The following KIAA1958 variants were observed in gnomAD, a reference collection of about 807,000 sequenced individuals.
KIAA1958 encodes the protein uncharacterized protein KIAA1958.
A neutral mutation model predicts 47.2 loss-of-function variants in KIAA1958; 14 were observed. The ratio of observed to expected loss-of-function variants is 0.30; its 90% CI spans 0.20 to 0.46. The LOEUF (loss-of-function observed/expected upper bound fraction) is 0.46, where lower values mean the gene tolerates loss of function less well. KIAA1958 is among the 20% of genes least tolerant of loss of function. The pLI is 1.00. For missense variants in KIAA1958, 803 were observed against 909.2 expected (o/e 0.88, Z 1.50); for synonymous variants, 354 against 353.3 (o/e 1.00, Z -0.02).
chr9:112,645,927 C>G, intron 3 of KIAA1958, 105 bp downstream of exon 3: 1 of 862,022 alleles, frequency 1.2e-6, no homozygotes, highest in Non-Finnish European at 1.7e-6. Context: ...GGCTTTCTGC[C>G]TGGGGAAACT....
Position 112,574,532 on chromosome 9 carries a change from C to T in KIAA1958, c.452C>T (p.Ser151Phe). ...ACCCTGTTTGACATGGTTTGTGAGTCTTCTGTTACAGATGAGGATAGTGAC... is the reference window on the plus strand; with the variant it reads ...ACCCTGTTTGACATGGTTTGTGAGTTTTCTGTTACAGATGAGGATAGTGAC... ...ENTLFDMVCE[S>F]SVTDEDSDFE... The change falls in exon 2 of 4, where the codon TCT becomes TTT. Residue 151 changes from serine (S) to phenylalanine (F), a missense_variant. By Grantham distance (155) the Ser-to-Phe change is radical. Around this residue, in one of 2 missense-constraint regions of KIAA1958, gnomAD observed 761 missense variants for 829.3 expected, o/e 0.92. Transcript: ENST00000337530. 4 of 1,614,132 alleles carry T rather than the reference C, an allele frequency of 2.5e-6. No individual in the cohort carries two copies. The highest frequency in any genetic ancestry group is 3.4e-6 in the Non-Finnish European group (4 of 1,180,016).
chr9:112,666,854 A>G lies in KIAA1958; in HGVS notation c.*6785A>G, dbSNP rs922550965. 1 of 152,220 alleles carries G rather than the reference A, an allele frequency of 6.6e-6. No homozygotes were observed. The highest frequency in any genetic ancestry group is 2.4e-5 in the African/African-American group (1 of 41,462). The allele number at this position is 152,220 out of a possible 1,614,324, so 9.4% of individuals were successfully genotyped here. ...ATTACACCGGGAAGAGAAAAAGTTC[A>G]TATCCACCCTCTCTTCTTTCTCCCC... On this transcript the variant is annotated 3_prime_UTR_variant, in exon 4 of 4. Transcript: ENST00000337530.
At chr9:112,512,173 T>C (rs1834335109) in intron 1 of KIAA1958, among the ~76,000 whole-genome samples, 1 of 152,186 alleles carries the variant, frequency 6.6e-6, no homozygotes, top group Non-Finnish European at 1.5e-5. Context: ...TCTGATTCTA[T>C]AGTATAGGCA....
chr9:112,551,186 T>C (rs1331707036), intron 1 of KIAA1958, among the ~76,000 whole-genome samples: 3 of 152,186 alleles, frequency 2.0e-5, no homozygotes, highest in African/African-American at 7.2e-5. Flanking sequence ...TCACATGTTA[T>C]ATAACTATCA....
At chr9:112,641,157 G>T (rs557428835) in intron 2 of KIAA1958, among the ~76,000 whole-genome samples, 1 of 151,666 alleles carries the variant, frequency 6.6e-6, no homozygotes, top group African/African-American at 2.4e-5. Flanking sequence ...TCATTTTGCC[G>T]GCAAATATCT....
rs183887355 is a variant in KIAA1958 at position 112,648,467 on chromosome 9, G to A, written c.1344+2645G>A. Among the ~76,000 whole-genome samples, 133 of 152,312 alleles carry A rather than the reference G, an allele frequency of 8.7e-4. 1 individual carries two copies. The highest frequency in any genetic ancestry group is 5.8e-3 in the Admixed American group (89 of 15,294). On this transcript the variant is annotated intron_variant, in intron 3 of 3. Coordinates refer to ENST00000337530, the MANE Select transcript of KIAA1958 (RefSeq NM_133465.4). ...GTACTGATCAACATATATGTGTGAG[G>A]AAGCTATCTGAGGCTGACAAAGAAC... is the stretch of plus-strand genomic sequence containing the variant.
Position 112,618,974 on chromosome 9 carries a change from T to C in KIAA1958, c.1172-26676T>C, listed in dbSNP as rs1564192131. 1 of 1,462,792 alleles carries C rather than the reference T, an allele frequency of 6.8e-7. No individual in the cohort carries two copies. The highest frequency in any genetic ancestry group is 9.1e-7 in the Non-Finnish European group (1 of 1,100,908). The allele number at this position is 1,462,792 out of a possible 1,614,324, so 90.6% of individuals were successfully genotyped here. A position where few individuals can be genotyped will look rare whatever the true frequency, so the allele number is the denominator to read the frequency against. On this transcript the variant is annotated intron_variant, in intron 2 of 3. Coordinates refer to ENST00000337530, the MANE Select transcript of KIAA1958 (RefSeq NM_133465.4). This position sits in a 1 kb window ranked among gnomAD's most constrained non-coding sequence, Gnocchi z 7.1. ...ACTGTGTCCGGAGAAACTGTGATTA[T>C]ACACCGCTTCTCGTTCCCCTTCCTG...
chr9:112,583,669 T>G (rs921495239), intron 2 of KIAA1958, among the ~76,000 whole-genome samples: 1 of 152,212 alleles, frequency 6.6e-6, no homozygotes, highest in Non-Finnish European at 1.5e-5. Flanking sequence ...GTATAAATCT[T>G]GGAAGACAAA....
chr9:112,636,110 A>G (rs967650955), intron 2 of KIAA1958, among the ~76,000 whole-genome samples: 2 of 148,280 alleles, frequency 1.3e-5, no homozygotes, highest in African/African-American at 2.4e-5. Context: ...TTTATTTTAT[A>G]TATATATATA....
Position 112,574,817 on chromosome 9 carries a change from G to T in KIAA1958, c.737G>T (p.Cys246Phe), listed in dbSNP as rs1346285812. 1 of 1,614,190 alleles carries T rather than the reference G, an allele frequency of 6.2e-7. No individual in the cohort carries two copies. The highest frequency in any genetic ancestry group is 8.5e-7 in the Non-Finnish European group (1 of 1,180,028). ...CCTCAGACTCACGCTGGTCCCTCCTGTGTAGGGTCTGCTAAACTGATTCCC... is the reference window on the plus strand; with the variant it reads ...CCTCAGACTCACGCTGGTCCCTCCTTTGTAGGGTCTGCTAAACTGATTCCC... ...PKPQTHAGPS[C>F]VGSAKLIPHV... Residue 246 changes from cysteine (C) to phenylalanine (F), a missense_variant, in exon 2 of 4, where the codon TGT (cysteine) becomes TTT (phenylalanine). This residue lies in a region of KIAA1958 where 761 missense variants were observed against 829.3 expected (regional missense o/e 0.92). Coordinates refer to ENST00000337530, the MANE Select transcript of KIAA1958 (RefSeq NM_133465.4).
In KIAA1958 at chr9:112,618,594, G is replaced by A. The variant is rs749341189; in HGVS notation, c.1172-27056G>A. Reference sequence around the variant, plus strand: ...GCCCAGCGGCGGCCTCCCGCCATGCGCTACGAGGATGCCCCTTTCTACTTA... The same window carrying A: ...GCCCAGCGGCGGCCTCCCGCCATGCACTACGAGGATGCCCCTTTCTACTTA... On this transcript the variant is annotated intron_variant, in intron 2 of 3. Coordinates refer to ENST00000337530, the MANE Select transcript of KIAA1958 (RefSeq NM_133465.4). This position sits in a 1 kb window ranked among gnomAD's most constrained non-coding sequence, Gnocchi z 7.1. 25 of 1,550,530 alleles carry A rather than the reference G, an allele frequency of 1.6e-5. No individual in the cohort carries two copies. Among genetic ancestry groups the A allele is most frequent in the South Asian group, 2.4e-5 (2 of 84,074 alleles).
intron 2 of KIAA1958, among the ~76,000 whole-genome samples, chr9:112,592,952 C>T (rs1588032150): frequency 6.6e-6 from 1 of 152,066 alleles, no homozygotes; most frequent in Non-Finnish European, 1.5e-5. Flanking sequence ...TATATAATAG[C>T]CCATTTTTAT....
intron 1 of KIAA1958, among the ~76,000 whole-genome samples, chr9:112,500,210 T>TCCTGGA (rs1834111411): frequency 6.6e-6 from 1 of 151,206 alleles, no homozygotes; most frequent in African/African-American, 2.4e-5. Flanking sequence ...CAGCGATTCT[T>TCCTGGA]GTGCCTCAGC....
Position 112,496,486 on chromosome 9 carries a change from C to A in KIAA1958, c.-25+9368C>A, listed in dbSNP as rs1238300787. Among the ~76,000 whole-genome samples the A allele has an allele frequency of 2.0e-5, 3 of 152,148 alleles. No homozygotes were observed. In the East Asian group the frequency reaches 5.8e-4, roughly 29 times the overall value. On this transcript the variant is annotated intron_variant, in intron 1 of 3. Transcript: ENST00000337530. ...AAGTTTCTGTTTCTTGAACTGGTTG[C>A]TGGTTACATAAGTGGGTTCTGTTTG...
chr9:112,535,164 T>C (rs1834830787), intron 1 of KIAA1958, among the ~76,000 whole-genome samples: 1 of 152,192 alleles, frequency 6.6e-6, no homozygotes, highest in African/African-American at 2.4e-5. Flanking sequence ...ATAGTGACAA[T>C]ATTGTACAAT....
chr9:112,518,353 A>G (rs1307336501), intron 1 of KIAA1958, among the ~76,000 whole-genome samples: 1 of 152,262 alleles, frequency 6.6e-6, no homozygotes, highest in Non-Finnish European at 1.5e-5. Flanking sequence ...TAATTGTGGC[A>G]TATACATACA....
At chr9:112,635,211 A>ATT (rs1245992788) in intron 2 of KIAA1958, among the ~76,000 whole-genome samples, 10 of 105,010 alleles carry the variant, frequency 9.5e-5, no homozygotes, top group African/African-American at 2.5e-4. Context: ...GAGATTCTTT[A>ATT]TTTTGTGTGT....
rs570537361 is a variant in KIAA1958 at position 112,579,993 on chromosome 9, T to G, written c.1171+4742T>G. ...CTTCCTCCCTATTAGATTCACCTGT[T>G]ATACTTGACCCCTGCGTGGACCCAA... On this transcript the variant is annotated intron_variant, in intron 2 of 3. Coordinates refer to ENST00000337530, the MANE Select transcript of KIAA1958 (RefSeq NM_133465.4). Among the ~76,000 whole-genome samples the G allele has an allele frequency of 2.0e-5, 3 of 152,352 alleles. No individual in the cohort carries two copies. The East Asian group carries it at 5.8e-4, about 29-fold the overall frequency.
chr9:112,614,893 A>G (rs1233387719), intron 2 of KIAA1958, among the ~76,000 whole-genome samples: 5 of 152,312 alleles, frequency 3.3e-5, no homozygotes, highest in South Asian at 2.1e-4. Flanking sequence ...AGGTGACAAC[A>G]TCCACACCAG....
Sources: allele counts gnomAD v4.1 joint callset (sites outside exome capture counted in the v4.1 genomes callset), GRCh38; gene constraint gnomAD v4.1.1; regional missense constraint gnomAD v4.1.1; non-coding constraint Gnocchi (gnomAD v3.1); transcripts MANE v1.5; gene names NCBI Gene and HGNC (gene_info 2026-07-23, HGNC 2026-07-21).